ATP8B3: variants seen among roughly 807,000 people sequenced by gnomAD.
ATP8B3 encodes the protein ATPase phospholipid transporting 8B3, also known as phospholipid-transporting ATPase IK.
In ATP8B3, 141 loss-of-function variants were observed where a neutral mutation model predicts 140.9. That is an observed-to-expected ratio of 1.00 (90% CI 0.87 to 1.15). The LOEUF (loss-of-function observed/expected upper bound fraction) is 1.15, where lower values mean the gene tolerates loss of function less well. Ranked by LOEUF, ATP8B3 falls within the 50% of genes most tolerant of loss-of-function variation. ATP8B3 has a pLI of 0.00. For missense variants in ATP8B3, 1,874 were observed against 1,740.6 expected (o/e 1.08, Z -1.36); for synonymous variants, 765 against 714.6 (o/e 1.07, Z -1.13).
At chr19:1,783,542 A>G (rs1295135515) in intron 28 of ATP8B3, among the ~76,000 whole-genome samples, 1 of 152,148 alleles carries the variant, frequency 6.6e-6, no homozygotes, top group Non-Finnish European at 1.5e-5. Flanking sequence ...CCTGGGACTT[A>G]ACTCGGGACC....
Position 1,792,024 on chromosome 19 carries a change from TCTG to T in ATP8B3, c.2164_2166del (p.Gln722del). On this transcript the variant is annotated inframe_deletion, in exon 19 of 29. Transcript: ENST00000310127. Reference sequence around the variant, plus strand: ...ACCTGTTGCAGGGCCTGTGCCCGGTTCTGCAGCAGGAGGCTGGCCTCCTGGTGG... The same window carrying T: ...ACCTGTTGCAGGGCCTGTGCCCGGTTCAGCAGGAGGCTGGCCTCCTGGTGG... 1.3e-6 allele frequency: 2 copies of T among 1,555,888 alleles called. No individual in the cohort carries two copies. The highest frequency in any genetic ancestry group is 1.7e-6 in the Non-Finnish European group (2 of 1,150,424).
intron 14 of ATP8B3, chr19:1,799,648 C>T (rs990225912): frequency 2.4e-5 from 13 of 540,646 alleles, no homozygotes; most frequent in Non-Finnish European, 4.2e-5. Flanking sequence ...CCTGTAATCC[C>T]AGCTACTCGG....
At position 1,802,130 on chromosome 19, in the gene ATP8B3, C is replaced by A. The variant is rs79891569; in HGVS notation, c.1064-86G>T. 8.2e-5 allele frequency: 75 copies of A among 910,020 alleles called. No homozygotes were observed. The African/African-American group carries it at 1.3e-3, about 16-fold the overall frequency. 56.4% of individuals were successfully genotyped at this position (910,020 alleles called of 1,614,324 possible). The stretch of plus-strand genomic sequence containing the variant: ...TCACTCACCCATCCACCCACTCCCC[C>A]ACTCATCCACCCACCTACCCATCCA... On this transcript the variant is annotated intron_variant, in intron 11 of 28. Coordinates refer to ENST00000310127, the MANE Select transcript of ATP8B3 (RefSeq NM_138813.4).
chr19:1,788,752 A>T, intron 24 of ATP8B3, 145 bp downstream of exon 24: 2 of 745,640 alleles, frequency 2.7e-6, no homozygotes, highest in Non-Finnish European at 4.3e-6. Flanking sequence ...CCACTAACGC[A>T]GCCTTGCCAT....
intron 18 of ATP8B3, among the ~76,000 whole-genome samples, chr19:1,792,429 G>C (rs1373366209): frequency 6.6e-6 from 1 of 150,714 alleles, no homozygotes; most frequent in Non-Finnish European, 1.5e-5. Flanking sequence ...AAAATACAAA[G>C]ATTAGCCAGG....
rs1027487329 is a variant in ATP8B3, at chr19:1,795,912, C to A, written c.2018G>T (p.Arg673Met). 4 of 1,613,202 alleles carry A rather than the reference C, an allele frequency of 2.5e-6. No homozygotes were observed. Among genetic ancestry groups the A allele is most frequent in the Non-Finnish European group, 2.5e-6 (3 of 1,179,828 alleles). ...DTVIFERLHRRGAMEFATEEA... is the reference protein window; with the variant it reads ...DTVIFERLHRMGAMEFATEEA... The stretch of plus-strand genomic sequence containing the variant: ...CTCTGTGGCAAATTCCATTGCCCCC[C>A]TCCTGTGCAAGCGTTCGAAGATGAC... The change falls in exon 18 of 29, where the codon AGG becomes ATG. Residue 673 changes from arginine to methionine, a missense_variant. Arg to Met is a moderately conservative substitution (Grantham distance 91). Coordinates refer to ENST00000310127, the MANE Select transcript of ATP8B3 (RefSeq NM_138813.4).
At chr19:1,801,746 A>G (rs1227670610) in intron 12 of ATP8B3, among the ~76,000 whole-genome samples, 2 of 152,098 alleles carry the variant, frequency 1.3e-5, no homozygotes, top group Non-Finnish European at 2.9e-5. Context: ...GTGAGACTCC[A>G]TCTCTAAAAA....
Position 1,795,925 on chromosome 19 carries a change from G to C in ATP8B3, c.2005C>G (p.Arg669Gly), listed in dbSNP as rs182855776. ...TKGADTVIFERLHRRGAMEFA... is the reference protein window; with the variant it reads ...TKGADTVIFEGLHRRGAMEFA... ...TCCATTGCCCCCCTCCTGTGCAAGC[G>C]TTCGAAGATGACCGTGTCGGCGCCC... Residue 669 changes from arginine (R) to glycine (G), a missense_variant, in exon 18 of 29, where the codon CGC becomes GGC. By Grantham distance (125) the Arg-to-Gly change is moderately radical. This residue lies in a region of ATP8B3 where 1,032 missense variants were observed against 963.6 expected (regional missense o/e 1.07). Transcript: ENST00000310127. 1.4e-5 allele frequency: 23 copies of C among 1,612,950 alleles called. No homozygotes were observed. The African/African-American group carries it at 1.9e-4, about 13-fold the overall frequency.
At position 1,805,262 on chromosome 19, in the gene ATP8B3, A is replaced by C. The variant is rs1354183050; in HGVS notation, c.904+112T>G. ...AGTGCTGGGATTCCAGGTGTGAGCC[A>C]CTGGGCCTGGCCAGCACCTTGTTTT... On this transcript the variant is annotated intron_variant, in intron 10 of 28. Coordinates refer to ENST00000310127, the MANE Select transcript of ATP8B3 (RefSeq NM_138813.4). This position sits in a 1 kb window ranked among gnomAD's most constrained non-coding sequence, Gnocchi z 5.2. 3 of 1,078,640 alleles carry C rather than the reference A, an allele frequency of 2.8e-6. No homozygotes were observed. The highest frequency in any genetic ancestry group is 2.0e-4 in the Middle Eastern group (1 of 5,044). The allele number at this position is 1,078,640 out of a possible 1,614,324, so 66.8% of individuals were successfully genotyped here. A position where few individuals can be genotyped will look rare whatever the true frequency, so the allele number is the denominator to read the frequency against.
At chr19:1,796,386 G>A (rs752932701) in intron 16 of ATP8B3, 121 bp from the exon 17 acceptor site, 86 of 1,005,592 alleles carry the variant, frequency 8.6e-5, no homozygotes, top group Middle Eastern at 6.4e-4. Context: ...GGGGACCCCC[G>A]CCTGTACAAC....
chr19:1,796,105 G>A lies in ATP8B3; in HGVS notation c.1914C>T (p.Asn638=), dbSNP rs767709011. 52 of 1,612,874 alleles carry A rather than the reference G, an allele frequency of 3.2e-5. No individual in the cohort carries two copies. The highest frequency in any genetic ancestry group is 4.1e-5 in the Non-Finnish European group (48 of 1,179,854). The change falls in exon 17 of 29, where the codon AAC becomes AAT. Residue 638 remains asparagine (N), a synonymous_variant. Coordinates refer to ENST00000310127, the MANE Select transcript of ATP8B3 (RefSeq NM_138813.4). ...GCACCGACATCCGTTTGCGCGTGCT[G>A]TTGAAGTCCATTATGGCCAGGACCT... ...VYQVLAIMDF[N]STRKRMSVLV... is the part of the protein sequence containing the mutation.
At chr19:1,789,167 C>T (rs1258783313) in intron 23 of ATP8B3, 47 bp from the exon 24 acceptor site, 4 of 1,175,022 alleles carry the variant, frequency 3.4e-6, no homozygotes, top group Admixed American at 2.3e-5. Flanking sequence ...CCCCCAGTCC[C>T]GCCCGCCCCC....
At chr19:1,802,756 GC>G in intron 10 of ATP8B3, 111 bp from the exon 11 acceptor site, 1 of 1,331,250 alleles carries the variant, frequency 7.5e-7, no homozygotes. Flanking sequence ...GCCCCTCTGT[GC>G]CCCAAACTTG....
At chr19:1,811,143 A>C (rs2069176354) in intron 2 of ATP8B3, among the ~76,000 whole-genome samples, 1 of 152,070 alleles carries the variant, frequency 6.6e-6, no homozygotes, top group Non-Finnish European at 1.5e-5. Context: ...CTGTTCACTG[A>C]CTGAATGGGA....
In ATP8B3 at chr19:1,789,363, T is replaced by A; in HGVS notation, c.2843A>T (p.Lys948Met). 6.6e-7 allele frequency: 1 copy of A among 1,516,372 alleles called. No individual in the cohort carries two copies. Among genetic ancestry groups the A allele is most frequent in the East Asian group, 2.5e-5 (1 of 39,984 alleles). The allele number at this position is 1,516,372 out of a possible 1,614,324, so 93.9% of individuals were successfully genotyped here. A position where few individuals can be genotyped will look rare whatever the true frequency, so the allele number is the denominator to read the frequency against. Residue 948 changes from lysine (K) to methionine (M), a missense_variant and splice_region_variant, in exon 23 of 29, where the codon AAG becomes ATG. Around this residue, in one of 3 missense-constraint regions of ATP8B3, gnomAD observed 840 missense variants for 760.9 expected, o/e 1.10. Coordinates refer to ENST00000310127, the MANE Select transcript of ATP8B3 (RefSeq NM_138813.4). ...GDGANDINMI[K>M]TADVGVGLAG... ...CCAGCCCCGCCGCCGCCACCCACTCTTGATCATGTTGATGTCGTTGGCACC... is the reference window on the plus strand; with the variant it reads ...CCAGCCCCGCCGCCGCCACCCACTCATGATCATGTTGATGTCGTTGGCACC...
At chr19:1,802,737 C>A (rs1223077565) in intron 10 of ATP8B3, 92 bp from the exon 11 acceptor site, 1 of 1,428,486 alleles carries the variant, frequency 7.0e-7, no homozygotes, top group East Asian at 2.5e-5. Flanking sequence ...ATTCCGGCCA[C>A]CCTCACGAGC....
rs371954704 is a variant in ATP8B3, at chr19:1,796,139, C to A, written c.1880G>T (p.Arg627Leu). The change falls in exon 17 of 29, where the codon CGG becomes CTG. Residue 627 changes from arginine to leucine, a missense_variant. Around this residue, in one of 3 missense-constraint regions of ATP8B3, gnomAD observed 1,032 missense variants for 963.6 expected, o/e 1.07. Coordinates refer to ENST00000310127, the MANE Select transcript of ATP8B3 (RefSeq NM_138813.4). Reference protein sequence around the residue: ...TVTIMELGEERVYQVLAIMDF... With the variant: ...TVTIMELGEELVYQVLAIMDF... ...CATTATGGCCAGGACCTGGTAGACC[C>A]GTTCCTCCCCCAGCTCCATGATCGT... 1 of 1,612,896 alleles carries A rather than the reference C, an allele frequency of 6.2e-7. No homozygotes were observed. Among genetic ancestry groups the A allele is most frequent in the Admixed American group, 1.7e-5 (1 of 59,998 alleles).
chr19:1,795,783 CTACACACACACA>C (rs2068645258), intron 18 of ATP8B3, 80 bp downstream of exon 18: 1 of 1,105,698 alleles, frequency 9.0e-7, no homozygotes, highest in Non-Finnish European at 1.3e-6. Flanking sequence ...CCTCCTGTCC[CTACACACACACA>C]CACACACACA....
rs760412648 is a variant in ATP8B3 at position 1,807,258 on chromosome 19, G to C, written c.525C>G (p.Pro175=). The C allele has an allele frequency of 6.2e-7, 1 of 1,612,252 alleles. No individual in the cohort carries two copies. Among genetic ancestry groups the C allele is most frequent in the Non-Finnish European group, 8.5e-7 (1 of 1,179,412 alleles). Reference sequence around the variant, plus strand: ...AGAACCAGGGCAGCGTGGAGATGTCGGGAATGCTCTGACGTGAGGGGGCCA... The same window carrying C: ...AGAACCAGGGCAGCGTGGAGATGTCCGGAATGCTCTGACGTGAGGGGGCCA... ...FLIIIILQSI[P]DISTLPWFSL... Residue 175 remains proline (P), a synonymous_variant, in exon 6 of 29, where the codon CCC becomes CCG. Transcript: ENST00000310127. This position sits in a 1 kb window ranked among gnomAD's most constrained non-coding sequence, Gnocchi z 5.9.
Sources: allele counts gnomAD v4.1 joint callset (sites outside exome capture counted in the v4.1 genomes callset), GRCh38; gene constraint gnomAD v4.1.1; regional missense constraint gnomAD v4.1.1; non-coding constraint Gnocchi (gnomAD v3.1); transcripts MANE v1.5; gene names NCBI Gene and HGNC (gene_info 2026-07-23, HGNC 2026-07-21).